The following SCARB1 variants were observed in gnomAD, a reference collection of about 807,000 sequenced individuals.
SCARB1 encodes scavenger receptor class B member 1.
In SCARB1, 30 loss-of-function variants were observed where a neutral mutation model predicts 57.2. That is an observed-to-expected ratio of 0.52 (90% CI 0.39 to 0.71). The LOEUF is 0.71. Ranked by LOEUF, SCARB1 falls within the 30% of genes least tolerant of loss-of-function variation. SCARB1 has a pLI of 0.00. For missense variants in SCARB1, 543 were observed against 671.2 expected (o/e 0.81, Z 2.11); for synonymous variants, 249 against 268.3 (o/e 0.93, Z 0.70).
chr12:124,823,215 T>C (rs1451343872), intron 1 of SCARB1, among the ~76,000 whole-genome samples: 1 of 152,256 alleles, frequency 6.6e-6, no homozygotes, highest in Admixed American at 6.5e-5. Flanking sequence ...TGTATGGTGT[T>C]ATTCCCTTTA....
At chr12:124,820,585 A>G (rs558752720) in intron 1 of SCARB1, among the ~76,000 whole-genome samples, 1 of 152,166 alleles carries the variant, frequency 6.6e-6, no homozygotes, top group African/African-American at 2.4e-5. Flanking sequence ...CTCAAAGCCC[A>G]TGCACTGCAG....
At chr12:124,804,505 A>G (rs574439019) in intron 7 of SCARB1, among the ~76,000 whole-genome samples, 1 of 152,336 alleles carries the variant, frequency 6.6e-6, no homozygotes, top group East Asian at 1.9e-4. Context: ...GGAGTCCAGC[A>G]TCTGCCACTT....
At position 124,800,197 on chromosome 12, in the gene SCARB1, G is replaced by A. The variant is rs1195783332; in HGVS notation, c.1055C>T (p.Pro352Leu). 29 of 1,613,962 alleles carry A rather than the reference G, an allele frequency of 1.8e-5. No homozygotes were observed. The highest frequency in any genetic ancestry group is 1.6e-4 in the Middle Eastern group (1 of 6,082). ...GCCAGTCACCGCTTCTGCCAGAACC[G>A]GGTCAGCGTTGAGGAAGTGAGGATG... ...LSHPHFLNAD[P>L]VLAEAVTGLH... Residue 352 changes from proline (P) to leucine (L), a missense_variant, in exon 8 of 13, where the codon CCG (proline) becomes CTG (leucine). Physicochemically the swap from Pro to Leu is moderately conservative, Grantham distance 98 (BLOSUM62 -3). Transcript: ENST00000261693. The surrounding 1 kb of genome is among the most constrained non-coding windows in gnomAD (Gnocchi z 4.8).
intron 1 of SCARB1, among the ~76,000 whole-genome samples, chr12:124,854,081 A>G (rs1427375260): frequency 6.6e-6 from 1 of 152,190 alleles, no homozygotes; most frequent in African/African-American, 2.4e-5. Context: ...AACAATCAAC[A>G]TGATACCCAG....
At chr12:124,793,790 C>T (rs1228898552) in intron 9 of SCARB1, among the ~76,000 whole-genome samples, 1 of 152,000 alleles carries the variant, frequency 6.6e-6, no homozygotes, top group Non-Finnish European at 1.5e-5. Context: ...AACATAGGAC[C>T]CAGCGATTCC....
chr12:124,863,201 G>T (rs2135877470), intron 1 of SCARB1, among the ~76,000 whole-genome samples: 1 of 130,690 alleles, frequency 7.7e-6, no homozygotes, highest in Admixed American at 7.9e-5. Flanking sequence ...GCTACCGGCT[G>T]CTGTGAAAGC....
chr12:124,778,672 A>G, intron 12 of SCARB1, 86 bp from the exon 13 acceptor site: 1 of 1,092,332 alleles, frequency 9.2e-7, no homozygotes, highest in Non-Finnish European at 1.1e-6. Flanking sequence ...CCCTGTACCC[A>G]CATCCCCAGC....
At chr12:124,792,998 C>T (rs963136403) in intron 9 of SCARB1, among the ~76,000 whole-genome samples, 2 of 152,042 alleles carry the variant, frequency 1.3e-5, no homozygotes, top group Admixed American at 1.3e-4. Flanking sequence ...AGAGGGAGGA[C>T]TTGGGCTGCA....
chr12:124,844,173 T>C (rs987669133), intron 1 of SCARB1, among the ~76,000 whole-genome samples: 1 of 151,928 alleles, frequency 6.6e-6, no homozygotes, highest in Non-Finnish European at 1.5e-5. Context: ...AGGATGAACA[T>C]GAATTAGGGG....
In SCARB1 at chr12:124,787,937, A is replaced by G. The variant is rs931848661; in HGVS notation, c.1203-480T>C. On this transcript the variant is annotated intron_variant, in intron 9 of 12. Transcript: ENST00000261693. ...AGACCATGTTCACATAACTTTTATTATAGTATTTGTTATAATTACCCTATT... is the reference window on the plus strand; with the variant it reads ...AGACCATGTTCACATAACTTTTATTGTAGTATTTGTTATAATTACCCTATT... 4.1e-4 allele frequency among the ~76,000 whole-genome samples: 63 copies of G among 152,260 alleles called. 1 individual carries two copies. Among genetic ancestry groups the G allele is most frequent in the Middle Eastern group, 3.4e-3 (1 of 294 alleles).
rs1373762223 is a variant in SCARB1, at chr12:124,805,749, TG to T, written c.1009+2011del. On this transcript the variant is annotated intron_variant, in intron 7 of 12. Transcript: ENST00000261693. ...AATTTTTTTTTTTTTTTTTTTTTTT[TG>T]GCCAGAGAGAGGTCTTGCTATATTG... Among the ~76,000 whole-genome samples the T allele has an allele frequency of 1.1e-3, 126 of 113,404 alleles. 7 individuals are homozygous for T. Among genetic ancestry groups the T allele is most frequent in the East Asian group, 6.9e-3 (12 of 1,736 alleles). 74.4% of individuals were successfully genotyped at this position (113,404 alleles called of 152,430 possible). A position where few individuals can be genotyped will look rare whatever the true frequency, so the allele number is the denominator to read the frequency against.
chr12:124,811,250 CTT>C (rs772595867), intron 5 of SCARB1, among the ~76,000 whole-genome samples: 11 of 152,140 alleles, frequency 7.2e-5, no homozygotes, highest in Non-Finnish European at 1.0e-4. Flanking sequence ...ATCTCCCTCT[CTT>C]GTTTTATTTT....
chr12:124,821,433 C>A (rs76606449), intron 1 of SCARB1: 15 of 985,052 alleles, frequency 1.5e-5, no homozygotes, highest in Non-Finnish European at 1.2e-6. Flanking sequence ...TGAATCAGGG[C>A]TAAACCAAGA....
At position 124,778,210 on chromosome 12, in the gene SCARB1, A is replaced by G; in HGVS notation, c.*377T>C. On this transcript the variant is annotated 3_prime_UTR_variant, in exon 13 of 13. Coordinates refer to ENST00000261693, the MANE Select transcript of SCARB1 (RefSeq NM_005505.5). ...GCAGTGTTTCACCTTGGAGGGGAGG[A>G]AGCCTGGGCCCAACGGCTGAACGGG... 2.7e-6 allele frequency: 1 copy of G among 370,274 alleles called. No homozygotes were observed. Among genetic ancestry groups the G allele is most frequent in the Non-Finnish European group, 4.8e-6 (1 of 209,238 alleles). 22.9% of individuals were successfully genotyped at this position (370,274 alleles called of 1,614,324 possible). A position where few individuals can be genotyped will look rare whatever the true frequency, so the allele number is the denominator to read the frequency against.
Position 124,807,814 on chromosome 12 carries a change from C to G in SCARB1, c.956G>C (p.Gly319Ala). 6.2e-7 allele frequency: 1 copy of G among 1,614,134 alleles called. No homozygotes were observed. Reference sequence around the variant, plus strand: ...TCCAGACTCCAGGCACGGGCAGAAGCCTTCGTTGGGTGGGTAGATGGACCC... The same window carrying G: ...TCCAGACTCCAGGCACGGGCAGAAGGCTTCGTTGGGTGGGTAGATGGACCC... ...ANGSIYPPNE[G>A]FCPCLESGIQ... Residue 319 changes from glycine to alanine, a missense_variant, in exon 7 of 13, where the codon GGC becomes GCC. Gly to Ala is a moderately conservative substitution (Grantham distance 60). Transcript: ENST00000261693. The surrounding 1 kb of genome is among the most constrained non-coding windows in gnomAD (Gnocchi z 5.3).
At chr12:124,804,213 A>G (rs1950246362) in intron 7 of SCARB1, among the ~76,000 whole-genome samples, 1 of 152,236 alleles carries the variant, frequency 6.6e-6, no homozygotes, top group African/African-American at 2.4e-5. Flanking sequence ...AGGCAGACCA[A>G]TTAGAGCAAA....
At chr12:124,778,720 G>A in intron 12 of SCARB1, 134 bp from the exon 13 acceptor site, 2 of 926,776 alleles carry the variant, frequency 2.2e-6, no homozygotes, top group Non-Finnish European at 2.9e-6. Flanking sequence ...TCAGAAGTGA[G>A]AAGAGACTGG....
At chr12:124,848,165 C>A (rs1270209540) in intron 1 of SCARB1, among the ~76,000 whole-genome samples, 1 of 152,182 alleles carries the variant, frequency 6.6e-6, no homozygotes, top group African/African-American at 2.4e-5. Flanking sequence ...CTCACTGCAA[C>A]CTCCGCCTCC....
At chr12:124,853,464 G>C (rs1313569569) in intron 1 of SCARB1, among the ~76,000 whole-genome samples, 1 of 147,814 alleles carries the variant, frequency 6.8e-6, no homozygotes, top group Non-Finnish European at 1.5e-5. Context: ...GTGCAATCTC[G>C]GCTCACTGCA....
Sources: gnomAD v4.1 joint callset for allele counts (sites outside exome capture counted in the v4.1 genomes callset) on GRCh38, gnomAD v4.1.1 for gene constraint, Gnocchi (gnomAD v3.1) non-coding constraint, MANE v1.5 for transcripts, NCBI Gene and HGNC (gene_info 2026-07-23, HGNC 2026-07-21) for gene names.